The following EVC2 variants were observed in gnomAD, a reference collection of about 807,000 sequenced individuals.
The protein encoded by EVC2 is limbin.
In EVC2, 148 loss-of-function variants were observed where a neutral mutation model predicts 149.3. That is an observed-to-expected ratio of 0.99 (90% CI 0.87 to 1.14). EVC2 has a LOEUF of 1.14. Ranked by LOEUF, EVC2 falls within the 50% of genes most tolerant of loss-of-function variation. The probability of loss-of-function intolerance (pLI) is 0.00; values close to 1 mark genes in which losing one functional copy is unlikely to be tolerated. For synonymous variants in EVC2, 776 were observed against 649.9 expected (o/e 1.19, Z -2.95); for missense variants, 1,854 against 1,627.3 (o/e 1.14, Z -2.40).
rs114058132 is a variant in EVC2 at position 5,567,199 on chromosome 4, C to T, written c.3557+1245G>A. On this transcript the variant is annotated intron_variant, in intron 20 of 21. Coordinates refer to ENST00000344408, the MANE Select transcript of EVC2 (RefSeq NM_147127.5). The surrounding 1 kb of genome is among the most constrained non-coding windows in gnomAD (Gnocchi z 4.4). ...TCTGACTGCGGTCCACAACCCACTT[C>T]CTGACTATACTGGGCCCCAAGGCCA... 9.3e-3 allele frequency among the ~76,000 whole-genome samples: 1,412 copies of T among 152,148 alleles called. 19 individuals are homozygous for T. The highest frequency in any genetic ancestry group is 0.033 in the African/African-American group (1,355 of 41,494).
chr4:5,557,884 A>G (rs906727782), downstream of EVC2, among the ~76,000 whole-genome samples: 1 of 152,184 alleles, frequency 6.6e-6, no homozygotes, highest in African/African-American at 2.4e-5. Context: ...GAAAGCTATA[A>G]AACTCTGATG....
intron 10 of EVC2, among the ~76,000 whole-genome samples, chr4:5,635,503 C>T (rs529402509): frequency 6.6e-6 from 1 of 152,062 alleles, no homozygotes; most frequent in South Asian, 2.1e-4. Context: ...GGGGCATAAA[C>T]CTTAAGGGAG....
intron 7 of EVC2, among the ~76,000 whole-genome samples, chr4:5,676,137 T>A (rs957463363): frequency 6.6e-6 from 1 of 152,146 alleles, no homozygotes; most frequent in African/African-American, 2.4e-5. Context: ...GAAGGGGATA[T>A]CTAGTGCCAT....
chr4:5,650,671 A>AGAGAGAGAGAGAGAGAGAGAGAGAGAGC (rs35334619), intron 9 of EVC2, among the ~76,000 whole-genome samples: 5 of 102,412 alleles, frequency 4.9e-5, no homozygotes, highest in Admixed American at 3.3e-4. Flanking sequence ...AGAGAGAGAG[A>AGAGAGAGAGAGAGAGAGAGAGAGAGAGC]GCCATTTAAT....
At chr4:5,612,932 A>G (rs1188190888) in intron 16 of EVC2, among the ~76,000 whole-genome samples, 2 of 122,482 alleles carry the variant, frequency 1.6e-5, no homozygotes, top group East Asian at 3.9e-4. Flanking sequence ...CAAAAAAAAA[A>G]AAAAAAAAAA....
At chr4:5,646,937 G>C (rs140047451) in intron 9 of EVC2, among the ~76,000 whole-genome samples, 1 of 152,186 alleles carries the variant, frequency 6.6e-6, no homozygotes, top group African/African-American at 2.4e-5. Flanking sequence ...ACCTCCCTGA[G>C]GAAAATGACT....
At chr4:5,541,396 G>A (rs73070484), downstream of EVC2, among the ~76,000 whole-genome samples, 83 of 152,304 alleles carry the variant, frequency 5.4e-4, no homozygotes, top group African/African-American at 1.7e-3. Flanking sequence ...AGGGAAGCTC[G>A]GAAGCAGTTA....
At chr4:5,651,351 G>T (rs565241081) in intron 9 of EVC2, among the ~76,000 whole-genome samples, 1 of 152,186 alleles carries the variant, frequency 6.6e-6, no homozygotes, top group South Asian at 2.1e-4. Context: ...GAGTAGATAG[G>T]ATGGATGAAT....
intron 9 of EVC2, among the ~76,000 whole-genome samples, chr4:5,648,437 A>C (rs1217898864): frequency 6.6e-6 from 1 of 152,188 alleles, no homozygotes; most frequent in Non-Finnish European, 1.5e-5. Flanking sequence ...TGTTGGGAAA[A>C]TGGCAGGTGC....
intron 16 of EVC2, among the ~76,000 whole-genome samples, chr4:5,593,742 G>A (rs530904722): frequency 9.2e-5 from 14 of 152,272 alleles, no homozygotes; most frequent in South Asian, 2.1e-4. Flanking sequence ...ACAGTGCACC[G>A]TGCGTGAGCC....
chr4:5,638,810 T>G (rs1717090495), intron 10 of EVC2, among the ~76,000 whole-genome samples: 1 of 151,858 alleles, frequency 6.6e-6, no homozygotes, highest in Admixed American at 6.6e-5. Context: ...GAGCAAAGAT[T>G]TAAGTGACGC....
intron 1 of EVC2, among the ~76,000 whole-genome samples, chr4:5,698,395 C>T (rs2151740407): frequency 6.6e-6 from 1 of 152,274 alleles, no homozygotes; most frequent in South Asian, 2.1e-4. Context: ...CATTTATTCA[C>T]TGTGTGTCCT....
intron 9 of EVC2, among the ~76,000 whole-genome samples, chr4:5,659,500 G>A (rs534666647): frequency 1.2e-4 from 18 of 152,154 alleles, no homozygotes; most frequent in African/African-American, 4.1e-4. Context: ...ATGTTGGGAC[G>A]GGAGGGAGGA....
In EVC2 at chr4:5,569,956, T is replaced by C. The variant is rs1226059576; in HGVS notation, c.3361-1316A>G. On this transcript the variant is annotated intron_variant, in intron 19 of 21. Coordinates refer to ENST00000344408, the MANE Select transcript of EVC2 (RefSeq NM_147127.5). This position sits in a 1 kb window ranked among gnomAD's most constrained non-coding sequence, Gnocchi z 4.8. ...CTGCTCGCCCAGGCCACTGAGCCCT[T>C]ACCCATGAGCTTCCTTCAGCCTAGA... Among the ~76,000 whole-genome samples the C allele has an allele frequency of 6.6e-6, 1 of 152,136 alleles. No individual in the cohort carries two copies. The highest frequency in any genetic ancestry group is 6.5e-5 in the Admixed American group (1 of 15,276).
intron 16 of EVC2, among the ~76,000 whole-genome samples, chr4:5,594,169 T>G (rs1278002072): frequency 6.6e-6 from 1 of 152,172 alleles, no homozygotes; most frequent in Non-Finnish European, 1.5e-5. Flanking sequence ...AAGACAGCAG[T>G]AACCTCTGCA....
At position 5,685,371 on chromosome 4, in the gene EVC2, C is replaced by G; in HGVS notation, c.815G>C (p.Arg272Pro). 3.7e-6 allele frequency: 6 copies of G among 1,614,062 alleles called. No homozygotes were observed. The highest frequency in any genetic ancestry group is 1.1e-5 in the South Asian group (1 of 91,078). ...AGATTAAAGTAACAAAGGTCATACC[C>G]GTGACGAGCTCTGAAAGGTGAGTTG... ...PAQLTFQSSS[R>P]NRTQLKVLFS... Residue 272 changes from arginine (R) to proline (P), a missense_variant and splice_region_variant, in exon 6 of 22, where the codon CGG (arginine) becomes CCG (proline). By Grantham distance (103) the Arg-to-Pro change is moderately radical (BLOSUM62 -2). Coordinates refer to ENST00000344408, the MANE Select transcript of EVC2 (RefSeq NM_147127.5).
chr4:5,706,662 G>A (rs924610781), intron 1 of EVC2, among the ~76,000 whole-genome samples: 1 of 152,056 alleles, frequency 6.6e-6, no homozygotes. Context: ...CCCACAAGAG[G>A]GAGTGGCCAA....
intron 20 of EVC2, among the ~76,000 whole-genome samples, chr4:5,566,941 G>T (rs1433983322): frequency 6.6e-6 from 1 of 152,124 alleles, no homozygotes; most frequent in African/African-American, 2.4e-5. Flanking sequence ...GGAAAACCAG[G>T]CTGTGAAACC....
intron 14 of EVC2, among the ~76,000 whole-genome samples, chr4:5,621,964 T>G (rs1474175166): frequency 6.6e-6 from 1 of 152,104 alleles, no homozygotes; most frequent in Non-Finnish European, 1.5e-5. Context: ...GCTCTTGAAT[T>G]AATAATAAAG....
Sources: allele counts gnomAD v4.1 joint callset (sites outside exome capture counted in the v4.1 genomes callset), GRCh38; gene constraint gnomAD v4.1.1; non-coding constraint Gnocchi (gnomAD v3.1); transcripts MANE v1.5; gene names NCBI Gene and HGNC (gene_info 2026-07-23, HGNC 2026-07-21).